HSD17B11: variants seen among roughly 807,000 people sequenced by gnomAD.
The protein encoded by HSD17B11 is hydroxysteroid 17-beta dehydrogenase 11, also known as estradiol 17-beta-dehydrogenase 11.
A neutral mutation model predicts 27.8 loss-of-function variants in HSD17B11; 22 were observed. That is an observed-to-expected ratio of 0.79 (90% CI 0.56 to 1.13). HSD17B11 has a LOEUF of 1.13. Ranked by LOEUF, HSD17B11 falls within the 50% of genes most tolerant of loss-of-function variation. The pLI, the probability that HSD17B11 is intolerant of heterozygous loss-of-function variation, is 0.00. For missense variants in HSD17B11, 314 were observed against 351.1 expected (o/e 0.89, Z 0.84); for synonymous variants, 117 against 132.8 (o/e 0.88, Z 0.82).
intron 1 of HSD17B11, among the ~76,000 whole-genome samples, chr4:87,387,882 T>A (rs1720360774): frequency 6.6e-6 from 1 of 152,108 alleles, no homozygotes; most frequent in East Asian, 1.9e-4. Flanking sequence ...GGTTCAATAG[T>A]CCCCATCATT....
chr4:87,389,592 G>A (rs961672870), intron 1 of HSD17B11, among the ~76,000 whole-genome samples: 8 of 152,104 alleles, frequency 5.3e-5, no homozygotes, highest in African/African-American at 1.7e-4. Context: ...TTTTCTGTTT[G>A]TCACCCTATC....
intron 4 of HSD17B11, among the ~76,000 whole-genome samples, chr4:87,368,103 G>A (rs908873067): frequency 1.3e-5 from 2 of 152,104 alleles, no homozygotes; most frequent in Non-Finnish European, 2.9e-5. Context: ...GGATCACAAG[G>A]TCAGGAGATC....
chr4:87,340,593 G>C lies in HSD17B11; in HGVS notation c.709C>G (p.Leu237Val). 1.2e-6 allele frequency: 2 copies of C among 1,611,140 alleles called. No homozygotes were observed. The highest frequency in any genetic ancestry group is 2.2e-5 in the South Asian group (2 of 90,618). ...KNPSTSLGPT[L>V]EPEEVVNRLM... ...CTGTTTACCACTTCCTCAGGTTCCA[G>C]AGTGGGTCCCAAACTGAAATCAGAG... The change falls in exon 6 of 7, where the codon CTG becomes GTG. Residue 237 changes from leucine to valine, a missense_variant. Transcript: ENST00000358290.
intron 2 of HSD17B11, among the ~76,000 whole-genome samples, chr4:87,380,033 C>T (rs1246080027): frequency 6.8e-6 from 1 of 146,790 alleles, no homozygotes; most frequent in Non-Finnish European, 1.5e-5. Flanking sequence ...ATTGCTTGAA[C>T]CCAGGAGGCG....
intron 4 of HSD17B11, among the ~76,000 whole-genome samples, chr4:87,370,489 C>T (rs899287924): frequency 6.6e-6 from 1 of 151,942 alleles, no homozygotes; most frequent in African/African-American, 2.4e-5. Context: ...AATCTCAGCT[C>T]ACTGCAACCT....
intron 5 of HSD17B11, among the ~76,000 whole-genome samples, chr4:87,342,381 C>CA (rs543558458): frequency 0.064 from 4,748 of 74,132 alleles, 298 homozygotes; most frequent in African/African-American, 0.15. Context: ...AACTTCGCTG[C>CA]AAAAAAAAAA....
In HSD17B11 at chr4:87,357,375, G is replaced by C. The variant is rs1246193326; in HGVS notation, c.599C>G (p.Thr200Arg). ...FAAVGFHKTL[T>R]DELAALQITG... Reference sequence around the variant, plus strand: ...TATTTGTAAGGCAGCCAGTTCATCTGTCAAAGTTTTATGAAATCCAACAGC... The same window carrying C: ...TATTTGTAAGGCAGCCAGTTCATCTCTCAAAGTTTTATGAAATCCAACAGC... Residue 200 changes from threonine to arginine, a missense_variant, in exon 5 of 7, where the codon ACA becomes AGA. Thr to Arg is a moderately conservative substitution (Grantham distance 71, BLOSUM62 -1). Coordinates refer to ENST00000358290, the MANE Select transcript of HSD17B11 (RefSeq NM_016245.5). 5 of 1,613,522 alleles carry C rather than the reference G, an allele frequency of 3.1e-6. No homozygotes were observed. In the Admixed American group the frequency reaches 5.0e-5, roughly 16 times the overall value.
At chr4:87,342,615 A>T (rs966234380) in intron 5 of HSD17B11, among the ~76,000 whole-genome samples, 3 of 152,186 alleles carry the variant, frequency 2.0e-5, no homozygotes, top group East Asian at 1.9e-4. Context: ...TCAGAAAAAA[A>T]ATATATTTTG....
chr4:87,382,282 T>C lies in HSD17B11; in HGVS notation c.291A>G (p.Arg97=). The stretch of plus-strand genomic sequence containing the variant: ...TCTTTGCAGAGCTGTAAATATCTTC[T>C]CGGTTGCTGCAGTCTACCACAAAGG... ...VHTFVVDCSN[R]EDIYSSAKKV... Residue 97 remains arginine (R), a synonymous_variant, in exon 2 of 7, where the codon CGA becomes CGG. Coordinates refer to ENST00000358290, the MANE Select transcript of HSD17B11 (RefSeq NM_016245.5). 1 of 1,613,766 alleles carries C rather than the reference T, an allele frequency of 6.2e-7. No homozygotes were observed. Among genetic ancestry groups the C allele is most frequent in the Non-Finnish European group, 8.5e-7 (1 of 1,179,658 alleles).
intron 3 of HSD17B11, among the ~76,000 whole-genome samples, chr4:87,373,498 C>A (rs984408092): frequency 6.6e-6 from 1 of 151,984 alleles, no homozygotes; most frequent in African/African-American, 2.4e-5. Context: ...TCACTCGAAC[C>A]CAGGAGCTCG....
chr4:87,368,471 C>T (rs1314065317), intron 4 of HSD17B11, among the ~76,000 whole-genome samples: 5 of 152,076 alleles, frequency 3.3e-5, no homozygotes, highest in Non-Finnish European at 7.4e-5. Context: ...GAAGAAGTTA[C>T]AAAAGATGGA....
At chr4:87,359,545 T>C (rs530513858) in intron 4 of HSD17B11, among the ~76,000 whole-genome samples, 1 of 152,322 alleles carries the variant, frequency 6.6e-6, no homozygotes, top group South Asian at 2.1e-4. Context: ...TACTTTATTG[T>C]AGAGATGTGG....
intron 1 of HSD17B11, among the ~76,000 whole-genome samples, chr4:87,388,527 G>C (rs1027543036): frequency 6.6e-6 from 1 of 152,122 alleles, no homozygotes; most frequent in Non-Finnish European, 1.5e-5. Flanking sequence ...TTCTGATATT[G>C]ATTCAATTAT....
intron 4 of HSD17B11, among the ~76,000 whole-genome samples, chr4:87,363,749 G>A (rs75536429): frequency 3.3e-5 from 5 of 152,158 alleles, no homozygotes; most frequent in Non-Finnish European, 5.9e-5. Flanking sequence ...ACACTGCCCA[G>A]ACCTGTAGCT....
intron 4 of HSD17B11, among the ~76,000 whole-genome samples, chr4:87,358,804 T>A (rs1049481392): frequency 3.3e-5 from 5 of 151,524 alleles, no homozygotes; most frequent in African/African-American, 1.2e-4. Flanking sequence ...TTAAAAAAAA[T>A]TTCTTACCTT....
chr4:87,355,212 A>G (rs1264690142), intron 5 of HSD17B11, among the ~76,000 whole-genome samples: 1 of 152,186 alleles, frequency 6.6e-6, no homozygotes, highest in Non-Finnish European at 1.5e-5. Flanking sequence ...TGAATTTAAT[A>G]TCAGTGAGGA....
intron 4 of HSD17B11, among the ~76,000 whole-genome samples, chr4:87,367,677 C>G (rs1735634416): frequency 1.3e-5 from 2 of 152,100 alleles, no homozygotes; most frequent in Admixed American, 1.3e-4. Context: ...AAATTCTAGT[C>G]TCAGTTGTTT....
At chr4:87,382,066 G>C (rs7671151) in intron 2 of HSD17B11, among the ~76,000 whole-genome samples, 189 bp downstream of exon 2, 5,770 of 152,188 alleles carry the variant, frequency 0.038, 390 homozygotes, top group African/African-American at 0.13. Context: ...GAAAATTCCA[G>C]AACATACTAA....
chr4:87,377,437 G>A (rs1353574036), intron 2 of HSD17B11, among the ~76,000 whole-genome samples: 4 of 144,158 alleles, frequency 2.8e-5, no homozygotes, highest in Non-Finnish European at 3.0e-5. Context: ...GCGACAGAGC[G>A]AGACTCTGTC....
Sources: allele counts gnomAD v4.1 joint callset (sites outside exome capture counted in the v4.1 genomes callset), GRCh38; gene constraint gnomAD v4.1.1; transcripts MANE v1.5; gene names NCBI Gene and HGNC (gene_info 2026-07-23, HGNC 2026-07-21).